MIR2052HG: variants seen among roughly 807,000 people sequenced by gnomAD.
MIR2052HG encodes the protein MIR2052 host gene.
chr8:74,704,604 C>T (rs1185723676), intron 4 of MIR2052HG, among the ~76,000 whole-genome samples: 1 of 152,012 alleles, frequency 6.6e-6, no homozygotes, highest in Non-Finnish European at 1.5e-5. Flanking sequence ...GGTGAATCAA[C>T]TTTATTCTCC....
At chr8:74,737,753 T>C (rs1369679834) in intron 4 of MIR2052HG, among the ~76,000 whole-genome samples, 1 of 152,190 alleles carries the variant, frequency 6.6e-6, no homozygotes, top group Admixed American at 6.5e-5. Flanking sequence ...TATTTGTTTG[T>C]TCACTGCCAT....
At chr8:74,752,549 A>T (rs1312212660) in intron 5 of MIR2052HG, 3 of 453,748 alleles carry the variant, frequency 6.6e-6, no homozygotes, top group Non-Finnish European at 8.8e-6. Context: ...TAGGAAAGAT[A>T]TTTTCTCTCT....
At chr8:74,635,293 A>G (rs1162081206) in intron 2 of MIR2052HG, among the ~76,000 whole-genome samples, 5 of 152,026 alleles carry the variant, frequency 3.3e-5, no homozygotes, top group Non-Finnish European at 5.9e-5. Context: ...ATTGCATTAA[A>G]CATACATAAA....
At chr8:74,607,062 C>T (rs916907038) in intron 1 of MIR2052HG, among the ~76,000 whole-genome samples, 4 of 151,178 alleles carry the variant, frequency 2.6e-5, no homozygotes, top group African/African-American at 9.7e-5. Context: ...CAAGATCCAA[C>T]TATATATAGC....
chr8:74,710,136 C>A (rs1348753702), intron 4 of MIR2052HG, among the ~76,000 whole-genome samples: 3 of 152,168 alleles, frequency 2.0e-5, no homozygotes, highest in Non-Finnish European at 2.9e-5. Flanking sequence ...TTGCATTATT[C>A]TTCCTGGAAT....
intron 2 of MIR2052HG, among the ~76,000 whole-genome samples, chr8:74,697,106 A>G (rs1428842935): frequency 1.3e-5 from 2 of 152,104 alleles, no homozygotes; most frequent in Admixed American, 6.5e-5. Flanking sequence ...GAATCCAATA[A>G]CATACAAAAA....
At chr8:74,685,322 A>G (rs1809169180) in intron 2 of MIR2052HG, among the ~76,000 whole-genome samples, 1 of 152,112 alleles carries the variant, frequency 6.6e-6, no homozygotes, top group African/African-American at 2.4e-5. Flanking sequence ...CAAAAAGAAT[A>G]TTATTTATTC....
chr8:74,757,828 T>C (rs1810021059), intron 5 of MIR2052HG: 1 of 152,098 alleles, frequency 6.6e-6, no homozygotes, highest in Admixed American at 6.5e-5. Flanking sequence ...GAAAATCAGA[T>C]TTTAACCTCT....
chr8:74,599,830 C>G (rs1288757477), exon 1 of MIR2052HG: 2 of 158,256 alleles, frequency 1.3e-5, no homozygotes, highest in African/African-American at 4.8e-5. Flanking sequence ...CCCCGCCTCG[C>G]TGCCGCCTTG....
At chr8:74,606,983 C>T (rs540272898) in intron 1 of MIR2052HG, among the ~76,000 whole-genome samples, 9 of 151,406 alleles carry the variant, frequency 5.9e-5, no homozygotes, top group African/African-American at 1.2e-4. Flanking sequence ...TACCAATAGC[C>T]GTATTAAATG....
intron 2 of MIR2052HG, among the ~76,000 whole-genome samples, chr8:74,660,541 A>AT (rs1209579156): frequency 6.6e-6 from 1 of 152,134 alleles, no homozygotes; most frequent in East Asian, 1.9e-4. Context: ...CCAGTAAAAT[A>AT]TTTTTGCCAG....
At chr8:74,638,049 CA>C (rs1808601442) in intron 2 of MIR2052HG, among the ~76,000 whole-genome samples, 1 of 151,800 alleles carries the variant, frequency 6.6e-6, no homozygotes, top group African/African-American at 2.4e-5. Context: ...TATAAAAGAA[CA>C]AAAAATTATA....
chr8:74,621,190 T>G (rs1198213592), intron 2 of MIR2052HG, among the ~76,000 whole-genome samples: 1 of 152,218 alleles, frequency 6.6e-6, no homozygotes, highest in African/African-American at 2.4e-5. Flanking sequence ...GCTCCAAATC[T>G]TCCCACATCT....
chr8:74,685,595 T>C (rs1402822777), intron 2 of MIR2052HG, among the ~76,000 whole-genome samples: 1 of 152,136 alleles, frequency 6.6e-6, no homozygotes, highest in African/African-American at 2.4e-5. Context: ...GTCTTCCACT[T>C]GTATAATTTC....
chr8:74,628,922 C>T (rs965935518), intron 2 of MIR2052HG: 2 of 151,972 alleles, frequency 1.3e-5, no homozygotes, highest in Non-Finnish European at 2.9e-5. Context: ...TGTTTGATGG[C>T]ATAGACAGGA....
chr8:74,724,614 A>T (rs1809615252), intron 4 of MIR2052HG, among the ~76,000 whole-genome samples: 1 of 152,220 alleles, frequency 6.6e-6, no homozygotes, highest in Admixed American at 6.5e-5. Flanking sequence ...CAACTTTTCT[A>T]ACTATGCTAT....
At chr8:74,710,236 G>C (rs927339891) in intron 4 of MIR2052HG, among the ~76,000 whole-genome samples, 1 of 152,038 alleles carries the variant, frequency 6.6e-6, no homozygotes, top group African/African-American at 2.4e-5. Context: ...ATAATCAGTG[G>C]GTCAGGGATG....
intron 4 of MIR2052HG, among the ~76,000 whole-genome samples, chr8:74,750,424 A>G (rs1809932973): frequency 6.6e-6 from 1 of 152,194 alleles, no homozygotes; most frequent in Non-Finnish European, 1.5e-5. Context: ...GTAATCATAG[A>G]TTTTACAATC....
chr8:74,719,007 A>T (rs1809547605), intron 4 of MIR2052HG, among the ~76,000 whole-genome samples: 1 of 151,888 alleles, frequency 6.6e-6, no homozygotes, highest in Non-Finnish European at 1.5e-5. Flanking sequence ...GAGGTTTATT[A>T]TGATGAGAAA....
Sources: allele counts gnomAD v4.1 joint callset (sites outside exome capture counted in the v4.1 genomes callset), GRCh38; gene constraint gnomAD v4.1.1; transcripts MANE v1.5; gene names NCBI Gene and HGNC (gene_info 2026-07-23, HGNC 2026-07-21).